Variants in RSRC1 observed in about 807,000 individuals in gnomAD.
The protein encoded by RSRC1 is serine/Arginine-related protein 53.
Under a neutral mutation model 49.1 loss-of-function variants are expected in RSRC1, and 39 were observed. The ratio of observed to expected loss-of-function variants is 0.79; its 90% CI spans 0.61 to 1.04. The LOEUF (loss-of-function observed/expected upper bound fraction) is 1.04, where lower values mean the gene tolerates loss of function less well. Among genes scored for constraint, RSRC1 ranks in the 50% least tolerant of loss-of-function variants. The probability of loss-of-function intolerance (pLI) is 0.00; values close to 1 mark genes in which losing one functional copy is unlikely to be tolerated. For synonymous variants in RSRC1, 143 were observed against 130.8 expected, an observed-to-expected ratio of 1.09 and a Z score of -0.63; for missense variants, 388 against 402.4, an observed-to-expected ratio of 0.96 and a Z score of 0.31.
intron 5 of RSRC1, among the ~76,000 whole-genome samples, chr3:158,332,484 T>C (rs1729608482): frequency 6.6e-6 from 1 of 152,168 alleles, no homozygotes; most frequent in Non-Finnish European, 1.5e-5. Context: ...TGTCAAAAGT[T>C]AGATTACAGG....
At chr3:158,457,821 G>A (rs1363969380) in intron 6 of RSRC1, among the ~76,000 whole-genome samples, 1 of 151,298 alleles carries the variant, frequency 6.6e-6, no homozygotes, top group East Asian at 1.9e-4. Flanking sequence ...GACTTTGGGA[G>A]GACCACTGAA....
chr3:158,126,370 T>A (rs540838725), intron 3 of RSRC1, among the ~76,000 whole-genome samples: 8 of 152,168 alleles, frequency 5.3e-5, no homozygotes, highest in Non-Finnish European at 1.0e-4. Flanking sequence ...GATTTTATTT[T>A]GTATATGTTC....
chr3:158,170,005 C>G (rs571926035), intron 3 of RSRC1, among the ~76,000 whole-genome samples: 35 of 152,176 alleles, frequency 2.3e-4, no homozygotes, highest in African/African-American at 7.2e-4. Context: ...AGTCTTATAT[C>G]TGGGCTTACT....
At chr3:158,299,700 G>T (rs1266485268) in intron 5 of RSRC1, among the ~76,000 whole-genome samples, 1 of 152,062 alleles carries the variant, frequency 6.6e-6, no homozygotes, top group Non-Finnish European at 1.5e-5. Context: ...CTTTGTTTGT[G>T]TTCTTCAGTA....
At chr3:158,439,429 G>C (rs1399158769) in intron 6 of RSRC1, among the ~76,000 whole-genome samples, 4 of 152,086 alleles carry the variant, frequency 2.6e-5, no homozygotes, top group African/African-American at 4.8e-5. Flanking sequence ...GTCCATCAAT[G>C]ATAGACTGGA....
At chr3:158,361,753 G>T (rs1413903647) in intron 6 of RSRC1, among the ~76,000 whole-genome samples, 1 of 152,000 alleles carries the variant, frequency 6.6e-6, no homozygotes, top group Non-Finnish European at 1.5e-5. Flanking sequence ...CAAGTTTCCC[G>T]TATTCTTTTC....
intron 3 of RSRC1, among the ~76,000 whole-genome samples, chr3:158,124,901 C>T (rs1278221699): frequency 6.7e-6 from 1 of 150,354 alleles, no homozygotes; most frequent in East Asian, 2.0e-4. Flanking sequence ...ACTGCAGCCT[C>T]AAACTCCTGG....
chr3:158,386,338 C>G (rs1057213584), intron 6 of RSRC1, among the ~76,000 whole-genome samples: 3 of 151,898 alleles, frequency 2.0e-5, no homozygotes, highest in African/African-American at 7.3e-5. Context: ...ACTTGAAGTT[C>G]AACTTATCAA....
At chr3:158,229,383 T>TATATATATACATATACACAC (rs1559952747) in intron 4 of RSRC1, among the ~76,000 whole-genome samples, 1 of 95,228 alleles carries the variant, frequency 1.1e-5, no homozygotes, top group African/African-American at 3.3e-5. Context: ...TGTGTATGTA[T>TATATATATACATATACACAC]GTGTATATAT....
At chr3:158,165,017 A>G (rs1055599622) in intron 3 of RSRC1, among the ~76,000 whole-genome samples, 4 of 152,178 alleles carry the variant, frequency 2.6e-5, no homozygotes, top group South Asian at 2.1e-4. Flanking sequence ...TTAAATGCCA[A>G]TTAGGAGGTT....
intron 6 of RSRC1, among the ~76,000 whole-genome samples, chr3:158,435,574 G>A (rs2108363428): frequency 6.6e-6 from 1 of 151,262 alleles, no homozygotes; most frequent in South Asian, 2.1e-4. Context: ...GTGCTATAAA[G>A]ATATAGATAT....
At chr3:158,469,165 T>C (rs1738018978) in intron 7 of RSRC1, among the ~76,000 whole-genome samples, 1 of 152,158 alleles carries the variant, frequency 6.6e-6, no homozygotes, top group South Asian at 2.1e-4. Flanking sequence ...TAGTAACATA[T>C]CATCTATATG....
At chr3:158,464,042 A>G (rs1480003100) in intron 7 of RSRC1, among the ~76,000 whole-genome samples, 1 of 152,056 alleles carries the variant, frequency 6.6e-6, no homozygotes, top group African/African-American at 2.4e-5. Context: ...TCTAGATTAT[A>G]ATTTAGGAAA....
At chr3:158,428,036 G>T (rs1293577104) in intron 6 of RSRC1, among the ~76,000 whole-genome samples, 1 of 151,754 alleles carries the variant, frequency 6.6e-6, no homozygotes, top group African/African-American at 2.4e-5. Flanking sequence ...TGAAACCACA[G>T]ATAGGAAAGC....
chr3:158,143,632 C>T (rs1716886187), intron 3 of RSRC1, among the ~76,000 whole-genome samples: 1 of 151,940 alleles, frequency 6.6e-6, no homozygotes, highest in South Asian at 2.1e-4. Context: ...TGTTATGTTA[C>T]TAACATAGTA....
At chr3:158,256,450 G>A in intron 4 of RSRC1, among the ~76,000 whole-genome samples, 1 of 152,160 alleles carries the variant, frequency 6.6e-6, no homozygotes, top group East Asian at 1.9e-4. Flanking sequence ...TGTGCTGCTG[G>A]ATTTGGTTTG....
At chr3:158,427,913 G>T (rs1735547897) in intron 6 of RSRC1, among the ~76,000 whole-genome samples, 1 of 151,482 alleles carries the variant, frequency 6.6e-6, no homozygotes, top group South Asian at 2.1e-4. Context: ...CTATCTTCAT[G>T]CATACTTTTT....
At chr3:158,506,415 A>T (rs1739862422) in intron 7 of RSRC1, among the ~76,000 whole-genome samples, 1 of 152,084 alleles carries the variant, frequency 6.6e-6, no homozygotes, top group Non-Finnish European at 1.5e-5. Flanking sequence ...AATAATAATT[A>T]TAATAAATTT....
intron 5 of RSRC1, among the ~76,000 whole-genome samples, chr3:158,327,002 C>G (rs1729197406): frequency 6.6e-6 from 1 of 152,128 alleles, no homozygotes; most frequent in Non-Finnish European, 1.5e-5. Context: ...TCTAGATTTT[C>G]TAGTTTATTT....
Sources: gnomAD v4.1 joint callset for allele counts (sites outside exome capture counted in the v4.1 genomes callset) on GRCh38, gnomAD v4.1.1 for gene constraint, MANE v1.5 for transcripts, NCBI Gene and HGNC (gene_info 2026-07-23, HGNC 2026-07-21) for gene names.